Variants in MAP4 observed in about 807,000 individuals in gnomAD.
The protein encoded by MAP4 is microtubule-associated protein 4.
A neutral mutation model predicts 170.2 loss-of-function variants in MAP4; 76 were observed. The ratio of observed to expected loss-of-function variants is 0.45; its 90% confidence interval spans 0.37 to 0.54. The LOEUF is 0.54. Ranked by LOEUF, MAP4 falls within the 20% of genes least tolerant of loss-of-function variation. MAP4 has a pLI of 0.00. For missense variants in MAP4, 2,506 were observed against 2,748.0 expected (o/e 0.91, Z 1.97); for synonymous variants, 909 against 994.5 (o/e 0.91, Z 1.62).
chr3:47,854,474 G>A (rs1359220271), intron 19 of MAP4, among the ~76,000 whole-genome samples: 1 of 152,178 alleles, frequency 6.6e-6, no homozygotes, highest in African/African-American at 2.4e-5. Context: ...GCGGCTCCTG[G>A]CCCCTCTCCC....
intron 1 of MAP4, among the ~76,000 whole-genome samples, chr3:48,082,541 C>G (rs993503111): frequency 1.3e-5 from 2 of 152,202 alleles, no homozygotes; most frequent in African/African-American, 2.4e-5. Flanking sequence ...ATGGCTCATG[C>G]CTGCTATCCT....
chr3:48,073,292 CACACACACACACAA>C (rs1277495392), intron 1 of MAP4, among the ~76,000 whole-genome samples: 8 of 92,856 alleles, frequency 8.6e-5, no homozygotes, highest in Non-Finnish European at 2.6e-5. Flanking sequence ...CACACACACA[CACACACACACACAA>C]ATTAGCATTA....
intron 10 of MAP4, among the ~76,000 whole-genome samples, chr3:47,901,669 A>T (rs1470832615): frequency 6.6e-6 from 1 of 150,880 alleles, no homozygotes; most frequent in East Asian, 2.0e-4. Flanking sequence ...GCAAGACCCT[A>T]TTTAAAAAAA....
At chr3:47,854,771 AG>A (rs2051705605) in intron 19 of MAP4, among the ~76,000 whole-genome samples, 1 of 151,520 alleles carries the variant, frequency 6.6e-6, no homozygotes, top group African/African-American at 2.4e-5. Flanking sequence ...GGCCCCAGGC[AG>A]GCCCTGCAGA....
intron 2 of MAP4, among the ~76,000 whole-genome samples, chr3:47,979,649 C>T (rs540289951): frequency 2.6e-5 from 4 of 151,624 alleles, no homozygotes; most frequent in South Asian, 2.1e-4. Flanking sequence ...TTAGTAGAGA[C>T]GAGGTTTCAC....
intron 16 of MAP4, 136 bp downstream of exon 16, chr3:47,869,078 G>T: frequency 1.4e-6 from 1 of 690,994 alleles, no homozygotes; most frequent in Non-Finnish European, 2.5e-6. Context: ...ATCAAGCACA[G>T]AGAAGGGAAT....
At chr3:47,992,568 C>T (rs1302266765) in intron 2 of MAP4, among the ~76,000 whole-genome samples, 1 of 152,052 alleles carries the variant, frequency 6.6e-6, no homozygotes, top group African/African-American at 2.4e-5. Context: ...GCTCGGACTA[C>T]AGGCGCACAC....
At chr3:47,908,048 G>GT (rs35928705) in intron 9 of MAP4, among the ~76,000 whole-genome samples, 37,757 of 151,836 alleles carry the variant, frequency 0.25, 5,157 homozygotes, top group South Asian at 0.33. Context: ...ACCAATTGGT[G>GT]TTTTTTTTAA....
At chr3:47,975,032 T>A (rs1175717041) in intron 3 of MAP4, 1 of 998,736 alleles carries the variant, frequency 1.0e-6, no homozygotes, top group East Asian at 1.0e-4. Flanking sequence ...CATGTTCTCA[T>A]TTGGTGTTAC....
At chr3:47,887,778 ACT>A (rs1321662819) in intron 10 of MAP4, among the ~76,000 whole-genome samples, 1 of 152,058 alleles carries the variant, frequency 6.6e-6, no homozygotes, top group Non-Finnish European at 1.5e-5. Context: ...ACCAATCGAC[ACT>A]CTGTATCTAG....
chr3:47,891,906 G>A, intron 10 of MAP4: 1 of 1,536,136 alleles, frequency 6.5e-7, no homozygotes, highest in Non-Finnish European at 8.7e-7. Flanking sequence ...CTTGAGCCCA[G>A]AGAGCCTTGA....
At chr3:48,033,475 GTT>G (rs1329886302) in intron 1 of MAP4, among the ~76,000 whole-genome samples, 2 of 152,104 alleles carry the variant, frequency 1.3e-5, no homozygotes, top group Admixed American at 6.6e-5. Context: ...AAGTATATTA[GTT>G]TTCTTTCCAG....
At chr3:47,915,065 G>A (rs2100038005) in intron 7 of MAP4, 126 bp from the exon 8 acceptor site, 2 of 1,117,702 alleles carry the variant, frequency 1.8e-6, no homozygotes, top group Non-Finnish European at 2.6e-6. Flanking sequence ...GCAAAGGAGT[G>A]AAGTGGTAGT....
chr3:47,869,424 C>A, intron 15 of MAP4, 97 bp from the exon 16 acceptor site: 1 of 776,604 alleles, frequency 1.3e-6, no homozygotes, highest in Admixed American at 2.1e-5. Context: ...AAATCCAGGT[C>A]AGGCCACCAG....
intron 5 of MAP4, among the ~76,000 whole-genome samples, chr3:47,920,479 G>C (rs1262045005): frequency 1.3e-5 from 2 of 151,554 alleles, no homozygotes; most frequent in Non-Finnish European, 2.9e-5. Context: ...CTGGCCTCAA[G>C]TGATCCATCC....
At chr3:47,892,037 T>C (rs1204693555) in intron 10 of MAP4, 1 of 1,536,232 alleles carries the variant, frequency 6.5e-7, no homozygotes, top group South Asian at 1.2e-5. Flanking sequence ...TAGTCCATTC[T>C]TCCCTGCCAC....
At chr3:47,890,990 T>A in intron 10 of MAP4, 1 of 1,437,432 alleles carries the variant, frequency 7.0e-7, no homozygotes, top group South Asian at 1.5e-5. Context: ...TGCTGTCTGC[T>A]TGTTCCCAAT....
intron 2 of MAP4, among the ~76,000 whole-genome samples, chr3:47,992,289 C>T (rs1043951663): frequency 3.9e-5 from 6 of 152,114 alleles, no homozygotes; most frequent in South Asian, 2.1e-4. Context: ...CTAAATAAGG[C>T]GGCTTCCTTC....
At chr3:47,918,634 A>AAATTATACCT (rs2100041028) in intron 6 of MAP4, 85 bp downstream of exon 6, 1 of 1,064,026 alleles carries the variant, frequency 9.4e-7, no homozygotes, top group East Asian at 2.4e-5. Flanking sequence ...ACCTGCTGTA[A>AAATTATACCT]GCTGCTAAAA....
Sources: gnomAD v4.1 joint callset for allele counts (sites outside exome capture counted in the v4.1 genomes callset) on GRCh38, gnomAD v4.1.1 for gene constraint, MANE v1.5 for transcripts, NCBI Gene and HGNC (gene_info 2026-07-23, HGNC 2026-07-21) for gene names.